Variants in CCDC66 observed in about 807,000 individuals in gnomAD.
CCDC66 encodes coiled-coil domain containing 66, also known as coiled-coil domain-containing protein 66.
CCDC66 carries 133 observed loss-of-function variants against 128.3 expected under a neutral mutation model. The ratio of observed to expected loss-of-function variants is 1.04; its 90% confidence interval spans 0.90 to 1.20. The LOEUF is 1.20. Ranked by LOEUF, CCDC66 falls within the 50% of genes most tolerant of loss-of-function variation. The pLI is 0.00. For missense variants in CCDC66, 1,126 were observed against 1,075.5 expected (o/e 1.05, Z -0.66); for synonymous variants, 387 against 357.0 (o/e 1.08, Z -0.95).
At position 56,564,226 on chromosome 3, in the gene CCDC66, A is replaced by G. The variant is rs139086631; in HGVS notation, c.544+101A>G. On this transcript the variant is annotated intron_variant, in intron 4 of 17. Transcript: ENST00000394672. Reference sequence around the variant, plus strand: ...TATGTAACTGTGACTCTTAAACTCTAATTTAACCTGTCAATCTATTAAAAT... The same window carrying G: ...TATGTAACTGTGACTCTTAAACTCTGATTTAACCTGTCAATCTATTAAAAT... 1.0e-3 allele frequency: 813 copies of G among 801,180 alleles called. 4 individuals carry two copies. The highest frequency in any genetic ancestry group is 1.0e-3 in the Non-Finnish European group (514 of 515,126). 49.6% of individuals were successfully genotyped at this position (801,180 alleles called of 1,614,324 possible).
At chr3:56,574,212 A>G (rs9873754) in intron 7 of CCDC66, among the ~76,000 whole-genome samples, 116,938 of 151,258 alleles carry the variant, frequency 0.77, 46,267 homozygotes, top group Non-Finnish European at 0.86. Flanking sequence ...AAATACAAAA[A>G]TTAGCTGGAC....
chr3:56,566,235 C>G (rs575209209), intron 4 of CCDC66, among the ~76,000 whole-genome samples: 35 of 152,148 alleles, frequency 2.3e-4, no homozygotes, highest in Non-Finnish European at 2.2e-4. Context: ...ACCCATCCTC[C>G]CACCTCAGTG....
Position 56,621,726 on chromosome 3 carries a change from A to T in CCDC66, c.*108A>T, listed in dbSNP as rs2076662000. ...ATAGCCTAGATTTACTTATTTTTTT[A>T]AATGCTCATTAAAAACTTGTATACT... On this transcript the variant is annotated 3_prime_UTR_variant, in exon 18 of 18. Transcript: ENST00000394672. The T allele has an allele frequency of 1.4e-6, 1 of 700,604 alleles. No homozygotes were observed. The highest frequency in any genetic ancestry group is 1.8e-5 in the African/African-American group (1 of 55,638). 43.4% of individuals were successfully genotyped at this position (700,604 alleles called of 1,614,324 possible). A position where few individuals can be genotyped will look rare whatever the true frequency, so the allele number is the denominator to read the frequency against.
intron 7 of CCDC66, chr3:56,572,439 A>T (rs2066764470): frequency 8.0e-7 from 1 of 1,251,156 alleles, no homozygotes; most frequent in Admixed American, 2.4e-5. Flanking sequence ...GTAAGTCCTA[A>T]GTGTCAGTAC....
intron 10 of CCDC66, among the ~76,000 whole-genome samples, chr3:56,611,082 T>C (rs1559753607): frequency 6.6e-6 from 1 of 152,070 alleles, no homozygotes; most frequent in Admixed American, 6.5e-5. Flanking sequence ...AAGCATCAGC[T>C]GTAGTAGTGT....
At chr3:56,578,018 C>A (rs1399712022) in intron 7 of CCDC66, among the ~76,000 whole-genome samples, 1 of 151,826 alleles carries the variant, frequency 6.6e-6, no homozygotes, top group Admixed American at 6.6e-5. Flanking sequence ...GCAGTATGGC[C>A]ATTTTCACAA....
At chr3:56,616,288 A>G (rs1410988658) in intron 13 of CCDC66, 3 of 389,498 alleles carry the variant, frequency 7.7e-6, no homozygotes, top group Non-Finnish European at 1.4e-5. Context: ...AATCAATTCT[A>G]AAACATTTTG....
chr3:56,567,447 C>A (rs1379635012), intron 6 of CCDC66, among the ~76,000 whole-genome samples: 4 of 152,166 alleles, frequency 2.6e-5, no homozygotes, highest in African/African-American at 4.8e-5. Context: ...CAAGGGAAAA[C>A]GTCCCCTTTG....
intron 7 of CCDC66, among the ~76,000 whole-genome samples, chr3:56,588,476 A>T (rs374823249): frequency 2.6e-5 from 4 of 152,320 alleles, no homozygotes; most frequent in African/African-American, 7.2e-5. Context: ...TTAAAAAGTA[A>T]TTGCAGTTTT....
At position 56,619,492 on chromosome 3, in the gene CCDC66, C is replaced by A; in HGVS notation, c.2600C>A (p.Pro867His). 6.2e-7 allele frequency: 1 copy of A among 1,613,652 alleles called. No homozygotes were observed. Among genetic ancestry groups the A allele is most frequent in the Non-Finnish European group, 8.5e-7 (1 of 1,179,848 alleles). The change falls in exon 16 of 18, where the codon CCT becomes CAT. Residue 867 changes from proline to histidine, a missense_variant. By Grantham distance (77) the Pro-to-His change is moderately conservative. Transcript: ENST00000394672. ...GATCCCGATGCACCATTGTCTGGGC[C>A]TTCAACCCAGGACCCTCAGTACCAA... ...YLDPDAPLSGPSTQDPQYQNS... is the reference protein window; with the variant it reads ...YLDPDAPLSGHSTQDPQYQNS...
chr3:56,578,752 TAAG>T (rs2067816997), intron 7 of CCDC66, among the ~76,000 whole-genome samples: 1 of 151,788 alleles, frequency 6.6e-6, no homozygotes, highest in African/African-American at 2.4e-5. Context: ...GCATCCCAGA[TAAG>T]AAGCCAACTT....
intron 13 of CCDC66, chr3:56,616,386 C>G (rs2075512028): frequency 3.8e-6 from 1 of 265,390 alleles, no homozygotes; most frequent in Admixed American, 5.8e-5. Context: ...AATATTTTTG[C>G]CTGTTGTGGA....
At chr3:56,567,851 G>A (rs927687435) in intron 6 of CCDC66, among the ~76,000 whole-genome samples, 8 of 151,950 alleles carry the variant, frequency 5.3e-5, no homozygotes, top group East Asian at 1.9e-4. Flanking sequence ...TACCACGCCC[G>A]GCTAATTTTT....
chr3:56,571,525 G>A (rs370969692), intron 7 of CCDC66: 34 of 344,520 alleles, frequency 9.9e-5, no homozygotes, highest in East Asian at 6.9e-4. Context: ...AGGACTACAG[G>A]TACTCACCAC....
Position 56,617,518 on chromosome 3 carries a change from C to G in CCDC66, c.2250C>G (p.Leu750=). The G allele has an allele frequency of 1.2e-6, 2 of 1,613,078 alleles. No individual in the cohort carries two copies. Among genetic ancestry groups the G allele is most frequent in the Non-Finnish European group, 1.7e-6 (2 of 1,179,766 alleles). ...TAGAAAAAAATAATCCTGGGCACCT[C>G]TCTCAAAACAGAGGCATTTCACCAG... ...HLVEKNNPGH[L]SQNRGISPEI... Residue 750 remains leucine, a synonymous_variant, in exon 14 of 18, where the codon CTC becomes CTG. Transcript: ENST00000394672.
intron 6 of CCDC66, chr3:56,569,177 A>G (rs1200576468): frequency 6.1e-6 from 1 of 162,652 alleles, no homozygotes; most frequent in African/African-American, 2.4e-5. Context: ...CCCTATCTCT[A>G]CAAAAAAACA....
At chr3:56,584,401 CCTCACTTCTCAGACGGG>C (rs2069165352) in intron 7 of CCDC66, among the ~76,000 whole-genome samples, 1 of 150,886 alleles carries the variant, frequency 6.6e-6, no homozygotes, top group African/African-American at 2.4e-5. Context: ...TGGAGGGGCT[CCTCACTTCTCAGACGGG>C]GCGGCCAGGC....
intron 7 of CCDC66, among the ~76,000 whole-genome samples, chr3:56,575,177 G>A (rs1157174132): frequency 2.0e-5 from 3 of 151,776 alleles, no homozygotes; most frequent in Non-Finnish European, 4.4e-5. Flanking sequence ...GTGTTAAACT[G>A]CTTTCCACAG....
Position 56,599,053 on chromosome 3 carries a change from T to C in CCDC66, c.1404+5025T>C, listed in dbSNP as rs187258805. On this transcript the variant is annotated intron_variant, in intron 10 of 17. Coordinates refer to ENST00000394672, the MANE Select transcript of CCDC66 (RefSeq NM_001141947.3). ...AGTGAAGTTGTCTGGTCCTGGACTTTCCTTTGTTGGGAGACTTTTTTATTA... is the reference window on the plus strand; with the variant it reads ...AGTGAAGTTGTCTGGTCCTGGACTTCCCTTTGTTGGGAGACTTTTTTATTA... Among the ~76,000 whole-genome samples, 28 of 152,184 alleles carry C rather than the reference T, an allele frequency of 1.8e-4. No individual in the cohort carries two copies. The East Asian group carries it at 5.4e-3, about 29-fold the overall frequency.
Sources: gnomAD v4.1 joint callset for allele counts (sites outside exome capture counted in the v4.1 genomes callset) on GRCh38, gnomAD v4.1.1 for gene constraint, MANE v1.5 for transcripts, NCBI Gene and HGNC (gene_info 2026-07-23, HGNC 2026-07-21) for gene names.